ROBO2: variants seen among roughly 807,000 people sequenced by gnomAD.
ROBO2 encodes roundabout homolog 2.
ROBO2 carries 53 observed loss-of-function variants against 160.8 expected under a neutral mutation model. That is an observed-to-expected ratio of 0.33 (90% CI 0.26 to 0.41). The LOEUF (loss-of-function observed/expected upper bound fraction) is 0.41. ROBO2 is among the 10% of genes least tolerant of loss of function. ROBO2 has a pLI of 1.00. For synonymous variants in ROBO2, 664 were observed against 611.7 expected (o/e 1.09, Z -1.26); for missense variants, 1,577 against 1,722.4 (o/e 0.92, Z 1.49).
chr3:76,222,657 G>A (rs1174932392), intron 2 of ROBO2, among the ~76,000 whole-genome samples: 1 of 152,072 alleles, frequency 6.6e-6, no homozygotes, highest in Non-Finnish European at 1.5e-5. Context: ...TGTGGGTGGG[G>A]GAGAGCCCTC....
chr3:76,312,992 T>C (rs1038913670), intron 2 of ROBO2, among the ~76,000 whole-genome samples: 13 of 152,240 alleles, frequency 8.5e-5, no homozygotes, highest in Admixed American at 7.2e-4. Flanking sequence ...TTTGAACATA[T>C]GACCACTTTT....
At chr3:77,289,724 C>A (rs1021303324) in intron 2 of ROBO2, among the ~76,000 whole-genome samples, 1 of 148,580 alleles carries the variant, frequency 6.7e-6, no homozygotes, top group African/African-American at 2.5e-5. Context: ...GACGGTTAAA[C>A]GGGTAAGCTG....
At chr3:77,369,187 C>T (rs2071386834) in intron 2 of ROBO2, among the ~76,000 whole-genome samples, 1 of 152,122 alleles carries the variant, frequency 6.6e-6, no homozygotes, top group African/African-American at 2.4e-5. Flanking sequence ...GGGTGTGCTT[C>T]ACACTCTTCA....
At chr3:76,595,955 G>A (rs543171810) in intron 2 of ROBO2, among the ~76,000 whole-genome samples, 1 of 152,172 alleles carries the variant, frequency 6.6e-6, no homozygotes, top group African/African-American at 2.4e-5. Context: ...CAAAGGCACT[G>A]TGTTCTGTAA....
intron 2 of ROBO2, among the ~76,000 whole-genome samples, chr3:77,335,263 C>T (rs552820353): frequency 9.2e-5 from 14 of 152,132 alleles, no homozygotes; most frequent in East Asian, 5.8e-4. Context: ...AGAAATTAGC[C>T]GGGCACGCTG....
chr3:77,156,516 T>C (rs574521377), intron 2 of ROBO2, among the ~76,000 whole-genome samples: 1 of 152,066 alleles, frequency 6.6e-6, no homozygotes, highest in South Asian at 2.1e-4. Flanking sequence ...TTATTTGAAA[T>C]TCAGTGGGAG....
chr3:76,024,931 G>T (rs1210915988), intron 2 of ROBO2, among the ~76,000 whole-genome samples: 1 of 149,712 alleles, frequency 6.7e-6, no homozygotes, highest in Non-Finnish European at 1.5e-5. Flanking sequence ...GTATGTGTGT[G>T]TGTGCGTATA....
At chr3:76,555,752 A>G (rs946287018) in intron 2 of ROBO2, among the ~76,000 whole-genome samples, 3 of 152,128 alleles carry the variant, frequency 2.0e-5, no homozygotes, top group Non-Finnish European at 4.4e-5. Context: ...TAATTAGTTA[A>G]GAGGTTCTCA....
intron 4 of ROBO2, among the ~76,000 whole-genome samples, chr3:77,490,397 T>C (rs1035163908): frequency 6.6e-6 from 1 of 152,180 alleles, no homozygotes; most frequent in Non-Finnish European, 1.5e-5. Flanking sequence ...GCCTGTATTT[T>C]ACTTTTAAGA....
chr3:77,027,681 G>T (rs2063053188), intron 2 of ROBO2, among the ~76,000 whole-genome samples: 1 of 152,150 alleles, frequency 6.6e-6, no homozygotes, highest in African/African-American at 2.4e-5. Flanking sequence ...CTGAAAGCCA[G>T]CTGTCGGACC....
intron 8 of ROBO2, among the ~76,000 whole-genome samples, chr3:77,553,287 G>A (rs986955116): frequency 2.0e-5 from 3 of 151,828 alleles, no homozygotes; most frequent in African/African-American, 7.3e-5. Flanking sequence ...AAACTTAACT[G>A]GTAAATGTGT....
At chr3:77,334,749 T>TAC (rs2066316496) in intron 2 of ROBO2, among the ~76,000 whole-genome samples, 2 of 152,046 alleles carry the variant, frequency 1.3e-5, no homozygotes, top group Admixed American at 1.3e-4. Context: ...TATATATATA[T>TAC]AGTGGGTCTT....
At chr3:76,854,060 CTCTCTCT>C (rs2069752039) in intron 2 of ROBO2, among the ~76,000 whole-genome samples, 1 of 63,696 alleles carries the variant, frequency 1.6e-5, no homozygotes, top group Non-Finnish European at 3.6e-5. Flanking sequence ...CTCTCTCTCT[CTCTCTCT>C]TTCTCTGTCT....
intron 2 of ROBO2, among the ~76,000 whole-genome samples, chr3:77,353,747 G>A (rs1461286633): frequency 6.6e-6 from 1 of 152,092 alleles, no homozygotes; most frequent in Non-Finnish European, 1.5e-5. Context: ...CTGGCCTCAA[G>A]TGATCTGCCT....
chr3:76,862,639 C>G (rs2070915012), intron 2 of ROBO2, among the ~76,000 whole-genome samples: 1 of 151,966 alleles, frequency 6.6e-6, no homozygotes, highest in Non-Finnish European at 1.5e-5. Context: ...TTCCTTTTCT[C>G]TAAGTATAGG....
At chr3:76,072,125 G>T (rs1173292678) in intron 2 of ROBO2, among the ~76,000 whole-genome samples, 1 of 152,112 alleles carries the variant, frequency 6.6e-6, no homozygotes, top group Non-Finnish European at 1.5e-5. Context: ...CATTCTAGAA[G>T]TGTTTTGGTA....
chr3:77,631,558 G>A (rs2095163892), intron 23 of ROBO2: 1 of 152,080 alleles, frequency 6.6e-6, no homozygotes, highest in African/African-American at 2.4e-5. Context: ...CATAAATCTT[G>A]TAATATTAAT....
intron 2 of ROBO2, among the ~76,000 whole-genome samples, chr3:77,196,455 C>T (rs917499608): frequency 2.0e-5 from 3 of 151,048 alleles, no homozygotes; most frequent in Non-Finnish European, 4.4e-5. Context: ...GAGACATATG[C>T]TTAATATTTA....
At chr3:76,386,943 G>T (rs928565425) in intron 2 of ROBO2, among the ~76,000 whole-genome samples, 1 of 152,118 alleles carries the variant, frequency 6.6e-6, no homozygotes, top group East Asian at 1.9e-4. Flanking sequence ...AAAAGCAGGT[G>T]GGAGGGAGAC....
Sources: allele counts gnomAD v4.1 joint callset (sites outside exome capture counted in the v4.1 genomes callset), GRCh38; gene constraint gnomAD v4.1.1; transcripts MANE v1.5; gene names NCBI Gene and HGNC (gene_info 2026-07-23, HGNC 2026-07-21).